KHDRBS2: variants seen among roughly 807,000 people sequenced by gnomAD.
KHDRBS2 encodes the protein KH RNA binding domain containing, signal transduction associated 2.
In KHDRBS2, 26 loss-of-function variants were observed where a neutral mutation model predicts 44.3. The ratio of observed to expected loss-of-function variants is 0.59; its 90% CI spans 0.43 to 0.81. The LOEUF is 0.81. KHDRBS2 is among the 40% of genes least tolerant of loss of function. KHDRBS2 has a pLI of 0.00. For missense variants in KHDRBS2, 476 were observed against 433.1 expected (o/e 1.10, Z -0.88); for synonymous variants, 194 against 151.1 (o/e 1.28, Z -2.08).
intron 1 of KHDRBS2, among the ~76,000 whole-genome samples, chr6:62,217,358 G>A (rs1252000300): frequency 3.3e-5 from 5 of 151,588 alleles, no homozygotes; most frequent in Admixed American, 6.6e-5. Flanking sequence ...TATATTCAAC[G>A]TCATGTAATT....
At chr6:61,952,142 A>G (rs951862500) in intron 4 of KHDRBS2, among the ~76,000 whole-genome samples, 2 of 152,144 alleles carry the variant, frequency 1.3e-5, no homozygotes, top group Admixed American at 6.6e-5. Context: ...AAGCATAAGC[A>G]TACATAGCAG....
chr6:61,555,016 T>G, the KHDRBS2 span, among the ~76,000 whole-genome samples: 13 of 152,044 alleles, frequency 8.6e-5, no homozygotes, highest in South Asian at 8.3e-4. Flanking sequence ...TCACAGGGGT[T>G]TTTTTTGCAC....
At chr6:61,732,137 C>T (rs1326703811) in intron 7 of KHDRBS2, among the ~76,000 whole-genome samples, 8 of 152,000 alleles carry the variant, frequency 5.3e-5, no homozygotes, top group Admixed American at 3.9e-4. Context: ...TAAATAACAT[C>T]TCAATAAATC....
At chr6:61,954,499 G>A (rs13195497) in intron 4 of KHDRBS2, among the ~76,000 whole-genome samples, 1 of 120,970 alleles carries the variant, frequency 8.3e-6, no homozygotes, top group Non-Finnish European at 1.7e-5. Flanking sequence ...ATGTATGTAT[G>A]CATAATATAT....
chr6:61,581,448 A>G, the KHDRBS2 span, among the ~76,000 whole-genome samples: 1 of 151,162 alleles, frequency 6.6e-6, no homozygotes, highest in East Asian at 1.9e-4. Context: ...ATTAATGTCA[A>G]ATTTGAATTA....
intron 6 of KHDRBS2, among the ~76,000 whole-genome samples, chr6:61,868,513 G>C (rs148063386): frequency 5.0e-4 from 76 of 152,346 alleles, no homozygotes; most frequent in Admixed American, 2.4e-3. Flanking sequence ...GGCAAGGGTG[G>C]CTGGAGGCCC....
the KHDRBS2 span, among the ~76,000 whole-genome samples, chr6:61,594,247 C>CA: frequency 0.61 from 93,191 of 151,578 alleles, 28,857 homozygotes; most frequent in Non-Finnish European, 0.65. Flanking sequence ...ACAGTTTAAA[C>CA]AAAAAAATAT....
intron 2 of KHDRBS2, among the ~76,000 whole-genome samples, chr6:62,077,994 C>A (rs1372105564): frequency 2.0e-5 from 3 of 152,006 alleles, no homozygotes; most frequent in East Asian, 3.9e-4. Flanking sequence ...AGGCATCATA[C>A]CATACATTTG....
At chr6:61,739,708 T>C (rs1377074716) in intron 6 of KHDRBS2, among the ~76,000 whole-genome samples, 1 of 151,928 alleles carries the variant, frequency 6.6e-6, no homozygotes, top group East Asian at 1.9e-4. Flanking sequence ...CATTTGTCAA[T>C]ATCTGTAGTG....
the KHDRBS2 span, among the ~76,000 whole-genome samples, chr6:61,643,697 C>T: frequency 6.6e-6 from 1 of 152,106 alleles, no homozygotes; most frequent in Non-Finnish European, 1.5e-5. Context: ...AACACAATCC[C>T]ATTCATAATA....
intron 7 of KHDRBS2, among the ~76,000 whole-genome samples, chr6:61,728,520 G>T (rs1773940903): frequency 1.3e-5 from 2 of 152,092 alleles, no homozygotes; most frequent in Admixed American, 1.3e-4. Context: ...ATGAAAAACT[G>T]AAAATAACTT....
At chr6:62,144,431 C>T (rs1400645341) in intron 2 of KHDRBS2, among the ~76,000 whole-genome samples, 1 of 151,870 alleles carries the variant, frequency 6.6e-6, no homozygotes, top group East Asian at 1.9e-4. Flanking sequence ...ATAACTCTTC[C>T]TAACCTCATG....
At chr6:61,939,201 G>A (rs1464300727) in intron 4 of KHDRBS2, among the ~76,000 whole-genome samples, 1 of 152,104 alleles carries the variant, frequency 6.6e-6, no homozygotes, top group Non-Finnish European at 1.5e-5. Flanking sequence ...AATGGACTTT[G>A]CTCTCACAGC....
intron 3 of KHDRBS2, among the ~76,000 whole-genome samples, chr6:61,995,290 G>T (rs1357925451): frequency 6.6e-6 from 1 of 152,156 alleles, no homozygotes; most frequent in Admixed American, 6.5e-5. Context: ...TGATAAAATT[G>T]CTAATATATC....
chr6:62,274,777 G>T (rs562759507), intron 1 of KHDRBS2, among the ~76,000 whole-genome samples: 48 of 151,998 alleles, frequency 3.2e-4, no homozygotes, highest in African/African-American at 1.1e-3. Flanking sequence ...GTATTATGGA[G>T]ATTTTTATGT....
chr6:62,103,623 G>T lies in KHDRBS2; in HGVS notation c.220-55629C>A, dbSNP rs534803331. Among the ~76,000 whole-genome samples, 3 of 147,064 alleles carry T rather than the reference G, an allele frequency of 2.0e-5. No homozygotes were observed. The Admixed American group carries it at 2.1e-4, about 10-fold the overall frequency. On this transcript the variant is annotated intron_variant, in intron 2 of 8. Coordinates refer to ENST00000281156, the MANE Select transcript of KHDRBS2 (RefSeq NM_152688.4). ...CAGGCAGAAGCAGCTGCGCCCAGGAGCGCAGGCTTCCACCCCAACAATGGG... is the reference window on the plus strand; with the variant it reads ...CAGGCAGAAGCAGCTGCGCCCAGGATCGCAGGCTTCCACCCCAACAATGGG...
At chr6:62,134,052 T>A (rs1425223660) in intron 2 of KHDRBS2, among the ~76,000 whole-genome samples, 1 of 152,214 alleles carries the variant, frequency 6.6e-6, no homozygotes, top group East Asian at 1.9e-4. Context: ...TCAAGCTGGC[T>A]GCATAAATTT....
At chr6:62,262,373 T>C (rs902205097) in intron 1 of KHDRBS2, among the ~76,000 whole-genome samples, 4 of 151,714 alleles carry the variant, frequency 2.6e-5, no homozygotes, top group Admixed American at 1.3e-4. Flanking sequence ...TCTCATTTTG[T>C]ATATAACCAG....
the KHDRBS2 span, among the ~76,000 whole-genome samples, chr6:61,543,495 A>T: frequency 6.6e-6 from 1 of 151,982 alleles, no homozygotes; most frequent in African/African-American, 2.4e-5. Context: ...ACACTAATTG[A>T]CTAAATATTA....
Sources: gnomAD v4.1 joint callset for allele counts (sites outside exome capture counted in the v4.1 genomes callset) on GRCh38, gnomAD v4.1.1 for gene constraint, MANE v1.5 for transcripts, NCBI Gene and HGNC (gene_info 2026-07-23, HGNC 2026-07-21) for gene names.